FBXL4: variants seen among roughly 807,000 people sequenced by gnomAD.
The protein encoded by FBXL4 is F-box and leucine rich repeat protein 4.
Under a neutral mutation model 58.9 loss-of-function variants are expected in FBXL4, and 40 were observed. That is an observed-to-expected ratio of 0.68 (90% CI 0.53 to 0.88). The LOEUF is 0.88. Among genes scored for constraint, FBXL4 ranks in the 40% least tolerant of loss-of-function variants. The probability of loss-of-function intolerance (pLI) is 0.00; values close to 1 mark genes in which losing one functional copy is unlikely to be tolerated. For missense variants in FBXL4, 676 were observed against 734.4 expected (o/e 0.92, Z 0.92); for synonymous variants, 263 against 265.5 (o/e 0.99, Z 0.09).
chr6:98,923,112 C>T (rs560411096), intron 4 of FBXL4, among the ~76,000 whole-genome samples: 1 of 152,250 alleles, frequency 6.6e-6, no homozygotes, highest in South Asian at 2.1e-4. Flanking sequence ...CCCTTTCCCA[C>T]CCTTCCAGCC....
At position 98,871,323 on chromosome 6, in the gene FBXL4, G is replaced by C. The variant is rs1348855084; in HGVS notation, c.*2955C>G. ...ACAGTCAATAAAAAACAAGGCAAAT[G>C]ACCCTGAGTGGTTTTCCTTGGCTCT... On this transcript the variant is annotated 3_prime_UTR_variant, in exon 10 of 10. Coordinates refer to ENST00000369244, the MANE Select transcript of FBXL4 (RefSeq NM_001278716.2). 1.3e-5 allele frequency: 2 copies of C among 152,164 alleles called. No individual in the cohort carries two copies. The highest frequency in any genetic ancestry group is 2.9e-5 in the Non-Finnish European group (2 of 68,034). 9.4% of individuals were successfully genotyped at this position (152,164 alleles called of 1,614,324 possible).
intron 8 of FBXL4, among the ~76,000 whole-genome samples, chr6:98,878,716 G>C (rs1473419776): frequency 6.6e-6 from 1 of 152,010 alleles, no homozygotes; most frequent in African/African-American, 2.4e-5. Context: ...CAGTTTAAGG[G>C]GAGGTAAATA....
chr6:98,898,935 C>A, intron 7 of FBXL4: 1 of 985,392 alleles, frequency 1.0e-6, no homozygotes, highest in Non-Finnish European at 1.2e-6. Context: ...AGCAAATGTC[C>A]TCTTACATAT....
At chr6:98,945,919 C>T (rs1194980771) in intron 1 of FBXL4, among the ~76,000 whole-genome samples, 1 of 152,062 alleles carries the variant, frequency 6.6e-6, no homozygotes, top group Non-Finnish European at 1.5e-5. Context: ...TATTTACTAA[C>T]AGTTAATGAT....
intron 4 of FBXL4, among the ~76,000 whole-genome samples, chr6:98,924,671 T>C (rs1772707385): frequency 6.6e-6 from 1 of 152,230 alleles, no homozygotes. Context: ...TAACATTATT[T>C]GCAATGAATT....
chr6:98,908,858 T>C (rs796376379), intron 5 of FBXL4, among the ~76,000 whole-genome samples: 15 of 152,288 alleles, frequency 9.8e-5, no homozygotes, highest in African/African-American at 3.6e-4. Context: ...CCCATATCAA[T>C]AGTCCTCCAA....
rs2128400782 is a variant in FBXL4, at chr6:98,917,431, G to A, written c.801C>T (p.Ser267=). 1 of 1,613,838 alleles carries A rather than the reference G, an allele frequency of 6.2e-7. No homozygotes were observed. Among genetic ancestry groups the A allele is most frequent in the East Asian group, 2.2e-5 (1 of 44,872 alleles). ...TTGGCCCTTCCCCGAGGACAGCACTGCTAAACTTTTTGTTAAGACTGTCCA... is the reference window on the plus strand; with the variant it reads ...TTGGCCCTTCCCCGAGGACAGCACTACTAAACTTTTTGTTAAGACTGTCCA... The part of the protein sequence containing the change: ...CGMDSLNKKF[S]SAVLGEGPNN... The change falls in exon 5 of 10, where the codon AGC becomes AGT. Residue 267 remains serine, a synonymous_variant. Coordinates refer to ENST00000369244, the MANE Select transcript of FBXL4 (RefSeq NM_001278716.2).
At chr6:98,887,987 C>T (rs186417320) in intron 7 of FBXL4, among the ~76,000 whole-genome samples, 4 of 152,294 alleles carry the variant, frequency 2.6e-5, no homozygotes, top group Admixed American at 2.0e-4. Flanking sequence ...ATCCAGTTAA[C>T]CCGTTTCCTC....
In FBXL4 at chr6:98,931,875, A is replaced by T. The variant is rs1042006859; in HGVS notation, c.-191+2887T>A. ...AGGACTCATGTGGAGAGCTACGACC[A>T]ATGCAGAAGTCCAAATTGTCCAGGC... On this transcript the variant is annotated intron_variant, in intron 2 of 9. Transcript: ENST00000369244. 2.5e-4 allele frequency among the ~76,000 whole-genome samples: 38 copies of T among 152,376 alleles called. 1 individual carries two copies. The highest frequency in any genetic ancestry group is 6.8e-3 in the Middle Eastern group (2 of 294).
intron 8 of FBXL4, among the ~76,000 whole-genome samples, chr6:98,877,046 G>A (rs1217063221): frequency 2.0e-5 from 3 of 152,164 alleles, no homozygotes; most frequent in Admixed American, 2.0e-4. Flanking sequence ...CTGCAACAGT[G>A]TAAAGGACAG....
chr6:98,914,390 T>A (rs905289919), intron 5 of FBXL4, among the ~76,000 whole-genome samples: 3 of 152,170 alleles, frequency 2.0e-5, no homozygotes, highest in Non-Finnish European at 4.4e-5. Flanking sequence ...CCAATATCCT[T>A]GATGAACATT....
At chr6:98,887,121 C>T (rs1379667629) in intron 7 of FBXL4, among the ~76,000 whole-genome samples, 1 of 152,034 alleles carries the variant, frequency 6.6e-6, no homozygotes, top group Admixed American at 6.5e-5. Context: ...AAAAAATTAG[C>T]CAGGAATAGT....
intron 7 of FBXL4, among the ~76,000 whole-genome samples, 192 bp from the exon 8 acceptor site, chr6:98,880,816 G>T (rs1770826524): frequency 6.6e-6 from 1 of 152,084 alleles, no homozygotes; most frequent in African/African-American, 2.4e-5. Flanking sequence ...TGGAGTCAAG[G>T]TAATCATTAC....
At chr6:98,891,425 C>T (rs774418538) in intron 7 of FBXL4, among the ~76,000 whole-genome samples, 2 of 152,144 alleles carry the variant, frequency 1.3e-5, no homozygotes, top group South Asian at 4.1e-4. Flanking sequence ...AAATCTAAGA[C>T]TAAATGTTCA....
intron 5 of FBXL4, among the ~76,000 whole-genome samples, chr6:98,911,025 T>C (rs1342880085): frequency 1.3e-5 from 2 of 151,870 alleles, no homozygotes; most frequent in East Asian, 1.9e-4. Context: ...CAGGAGATTA[T>C]ATCCCGCACC....
intron 5 of FBXL4, among the ~76,000 whole-genome samples, chr6:98,916,354 A>G (rs572075588): frequency 2.0e-3 from 303 of 152,334 alleles, no homozygotes; most frequent in African/African-American, 6.8e-3. Context: ...GCTGCTAGAA[A>G]GACACATGCA....
In FBXL4 at chr6:98,875,421, T is replaced by C. The variant is rs2128375513; in HGVS notation, c.1696A>G (p.Ile566Val). ...TTATATATTGTAACCTTACCTAATA[T>C]GTCCAGCTGCTGTAACCTGGTACAA... ...CNCTRLQQLD[I>V]LGTRMVSPAS... Residue 566 changes from isoleucine to valine, a missense_variant, in exon 9 of 10, where the codon ATA becomes GTA. Ile to Val is a conservative substitution (Grantham distance 29, BLOSUM62 3). Coordinates refer to ENST00000369244, the MANE Select transcript of FBXL4 (RefSeq NM_001278716.2). The C allele has an allele frequency of 6.2e-7, 1 of 1,613,794 alleles. No homozygotes were observed. The highest frequency in any genetic ancestry group is 8.5e-7 in the Non-Finnish European group (1 of 1,179,684).
At chr6:98,889,832 AATTT>A (rs1352664696) in intron 7 of FBXL4, among the ~76,000 whole-genome samples, 6 of 152,162 alleles carry the variant, frequency 3.9e-5, no homozygotes, top group African/African-American at 1.4e-4. Flanking sequence ...GTTAAGAAGA[AATTT>A]ATTAATAGAT....
intron 1 of FBXL4, among the ~76,000 whole-genome samples, chr6:98,935,788 T>C (rs1773193857): frequency 2.0e-5 from 1 of 48,968 alleles, no homozygotes; most frequent in East Asian, 5.9e-4. Context: ...AGAGCGAGAC[T>C]CCGTCTCAAA....
Sources: allele counts gnomAD v4.1 joint callset (sites outside exome capture counted in the v4.1 genomes callset), GRCh38; gene constraint gnomAD v4.1.1; transcripts MANE v1.5; gene names NCBI Gene and HGNC (gene_info 2026-07-23, HGNC 2026-07-21).